The following JHY variants were observed in gnomAD, a reference collection of about 807,000 sequenced individuals.
JHY encodes jhy protein homolog.
Under a neutral mutation model 78.0 loss-of-function variants are expected in JHY, and 69 were observed. That is an observed-to-expected ratio of 0.88 (90% confidence interval 0.73 to 1.08). The LOEUF (loss-of-function observed/expected upper bound fraction) is 1.08, where lower values mean the gene tolerates loss of function less well. JHY is among the 50% of genes least tolerant of loss of function. JHY has a pLI of 0.00. For missense variants in JHY, 944 were observed against 927.8 expected, an observed-to-expected ratio of 1.02 and a Z score of -0.23; for synonymous variants, 368 against 342.6, an observed-to-expected ratio of 1.07 and a Z score of -0.82.
At chr11:122,921,922 T>C (rs1470399662) in intron 3 of JHY, among the ~76,000 whole-genome samples, 1 of 151,984 alleles carries the variant, frequency 6.6e-6, no homozygotes, top group Non-Finnish European at 1.5e-5. Context: ...AGGCGGAGGT[T>C]GTAAGCCAAG....
chr11:122,901,081 A>G (rs1323662478), intron 2 of JHY, among the ~76,000 whole-genome samples: 1 of 152,202 alleles, frequency 6.6e-6, no homozygotes, highest in Non-Finnish European at 1.5e-5. Flanking sequence ...GTGCACTTAC[A>G]CAAACCTAGA....
intron 4 of JHY, among the ~76,000 whole-genome samples, chr11:122,929,597 G>A (rs1024472467): frequency 1.1e-4 from 17 of 152,224 alleles, no homozygotes; most frequent in African/African-American, 3.6e-4. Flanking sequence ...GAGATTGTTC[G>A]CAATCTAAGC....
intron 2 of JHY, among the ~76,000 whole-genome samples, chr11:122,890,100 A>C (rs899878172): frequency 3.3e-5 from 5 of 151,704 alleles, no homozygotes; most frequent in Non-Finnish European, 7.4e-5. Flanking sequence ...TTATATATAT[A>C]TATAAATGAA....
chr11:122,938,986 C>CTTTTTTTTT (rs61703024), intron 5 of JHY, among the ~76,000 whole-genome samples: 1 of 133,880 alleles, frequency 7.5e-6, no homozygotes, highest in Non-Finnish European at 1.6e-5. Flanking sequence ...CCTGCTTCTT[C>CTTTTTTTTT]TTTTTTTTTT....
At chr11:122,941,101 A>G (rs569268642) in intron 5 of JHY, among the ~76,000 whole-genome samples, 1 of 152,294 alleles carries the variant, frequency 6.6e-6, no homozygotes, top group Admixed American at 6.5e-5. Flanking sequence ...CCCTGAACTC[A>G]TGTGGAAGCA....
At chr11:122,890,659 G>A (rs950394432) in intron 2 of JHY, among the ~76,000 whole-genome samples, 1 of 152,030 alleles carries the variant, frequency 6.6e-6, no homozygotes, top group South Asian at 2.1e-4. Flanking sequence ...TCTTACCAAA[G>A]GACAGTTTAA....
intron 5 of JHY, among the ~76,000 whole-genome samples, chr11:122,936,825 C>T (rs1257114482): frequency 6.6e-6 from 1 of 152,162 alleles, no homozygotes; most frequent in Non-Finnish European, 1.5e-5. Flanking sequence ...TCCTATCTGC[C>T]ACTGGCCTTG....
chr11:122,959,238 A>T lies in JHY; in HGVS notation c.2140-10A>T, dbSNP rs1440768240. On this transcript the variant is annotated splice_polypyrimidine_tract_variant and intron_variant, in intron 8 of 8. Coordinates refer to ENST00000227349, the MANE Select transcript of JHY (RefSeq NM_024806.4). Reference sequence around the variant, plus strand: ...CCATTTCAAATAAAATTTCATCTTTATGCGTTTAGGCTTTGGAATACGCTA... The same window carrying T: ...CCATTTCAAATAAAATTTCATCTTTTTGCGTTTAGGCTTTGGAATACGCTA... 1.2e-6 allele frequency: 2 copies of T among 1,601,458 alleles called. No homozygotes were observed. The highest frequency in any genetic ancestry group is 1.7e-6 in the Non-Finnish European group (2 of 1,175,914).
chr11:122,892,746 A>G (rs2135287351), intron 2 of JHY, among the ~76,000 whole-genome samples: 1 of 152,328 alleles, frequency 6.6e-6, no homozygotes, highest in South Asian at 2.1e-4. Flanking sequence ...TTGAAGAGTG[A>G]CATTGGATAA....
Position 122,935,758 on chromosome 11 carries a change from CA to C in JHY, c.1634+690del, listed in dbSNP as rs1171990700. Among the ~76,000 whole-genome samples, 16 of 151,814 alleles carry C rather than the reference CA, an allele frequency of 1.1e-4. No homozygotes were observed. In the South Asian group the frequency reaches 1.7e-3, roughly 16 times the overall value. On this transcript the variant is annotated intron_variant, in intron 5 of 8. Coordinates refer to ENST00000227349, the MANE Select transcript of JHY (RefSeq NM_024806.4). This position sits in a 1 kb window ranked among gnomAD's most constrained non-coding sequence, Gnocchi z 4.5. ...TAAAATACAGAAAAATATGCACATA[CA>C]AAAAAATCATCATTTATAGAGGTGA...
Position 122,904,341 on chromosome 11 carries a change from A to G in JHY, c.761A>G (p.His254Arg), listed in dbSNP as rs370921867. ...RGPRRRKSKQ[H>R]FVEKNKLTLG... ...CCTCGGCGAAGGAAATCCAAACAAC[A>G]TTTTGTGGAAAAAAACAAGCTCACT... Residue 254 changes from histidine (H) to arginine (R), a missense_variant, in exon 3 of 9, where the codon CAT becomes CGT. Transcript: ENST00000227349. 6 of 1,614,056 alleles carry G rather than the reference A, an allele frequency of 3.7e-6. No homozygotes were observed. The highest frequency in any genetic ancestry group is 1.3e-5 in the African/African-American group (1 of 74,996).
Position 122,905,458 on chromosome 11 carries a change from A to AT in JHY, c.864+1023dup, listed in dbSNP as rs544357284. The AT allele has an allele frequency of 7.1e-4, 919 of 1,288,908 alleles. 5 individuals are homozygous for AT. The African/African-American group carries it at 7.6e-3, about 11-fold the overall frequency. 79.8% of individuals were successfully genotyped at this position (1,288,908 alleles called of 1,614,324 possible). Reference sequence around the variant, plus strand: ...AGACCTATTCCAAATCCCAACTGGTATTTTTTTTTAACATATTCTAACCTG... The same window carrying AT: ...AGACCTATTCCAAATCCCAACTGGTATTTTTTTTTTAACATATTCTAACCTG... On this transcript the variant is annotated intron_variant, in intron 3 of 8. Transcript: ENST00000227349.
Position 122,904,263 on chromosome 11 carries a change from A to T in JHY, c.683A>T (p.Tyr228Phe), listed in dbSNP as rs781083787. 6.2e-7 allele frequency: 1 copy of T among 1,614,158 alleles called. No homozygotes were observed. Among genetic ancestry groups the T allele is most frequent in the Non-Finnish European group, 8.5e-7 (1 of 1,180,008 alleles). Residue 228 changes from tyrosine to phenylalanine, a missense_variant, in exon 3 of 9, where the codon TAC becomes TTC. Coordinates refer to ENST00000227349, the MANE Select transcript of JHY (RefSeq NM_024806.4). ...LEEKSSSLSP[Y>F]VKSSSSHNEV... The stretch of plus-strand genomic sequence containing the variant: ...GAGAAGTCGAGCAGCCTTTCTCCGT[A>T]CGTGAAGAGCTCAAGTTCACATAAC...
intron 3 of JHY, among the ~76,000 whole-genome samples, chr11:122,924,271 A>T (rs1256508112): frequency 1.3e-5 from 2 of 152,138 alleles, no homozygotes; most frequent in Non-Finnish European, 2.9e-5. Flanking sequence ...ATTTCTAATA[A>T]GTGAGTTAGC....
chr11:122,919,063 G>A (rs1425788190), intron 3 of JHY, among the ~76,000 whole-genome samples: 2 of 152,090 alleles, frequency 1.3e-5, no homozygotes, highest in African/African-American at 4.8e-5. Context: ...GTCAGAATAA[G>A]TGAAGTGGGC....
Position 122,961,017 on chromosome 11 carries a change from G to A in JHY, c.*1572G>A. 1 of 1,021,064 alleles carries A rather than the reference G, an allele frequency of 9.8e-7. No homozygotes were observed. 63.3% of individuals were successfully genotyped at this position (1,021,064 alleles called of 1,614,324 possible). On this transcript the variant is annotated 3_prime_UTR_variant, in exon 9 of 9. Transcript: ENST00000227349. The stretch of plus-strand genomic sequence containing the variant: ...GAGCATCTCTGCACAACAGGAAAAG[G>A]AGACAATTGCCAAGTGCATTTGGGA...
In JHY at chr11:122,959,379, AC is replaced by A. The variant is rs772279007; in HGVS notation, c.2272del (p.Leu758CysfsTer36). ...SLPEISLLEILQNRHEREKQA... is the reference protein window; with the variant it reads ...SLPEISLLEIXQNRHEREKQA... ...TACCTGAAATCTCACTGCTGGAAAT[AC>A]TGCAGAACAGACACGAAAGGGAAAA... is the stretch of plus-strand genomic sequence containing the variant. On this transcript the variant is annotated frameshift_variant, in exon 9 of 9. Transcript: ENST00000227349. LOFTEE classifies it high-confidence loss of function. 2.5e-6 allele frequency: 4 copies of A among 1,614,188 alleles called. No homozygotes were observed. Among genetic ancestry groups the A allele is most frequent in the Non-Finnish European group, 3.4e-6 (4 of 1,180,024 alleles).
At position 122,935,108 on chromosome 11, in the gene JHY, G is replaced by A; in HGVS notation, c.1634+33G>A. ...TTCCCTTTTCTCAAGTGGTTTTCTA[G>A]AGGAGAAAGGAGAGACTGCTGCAGA... On this transcript the variant is annotated intron_variant, in intron 5 of 8. Coordinates refer to ENST00000227349, the MANE Select transcript of JHY (RefSeq NM_024806.4). This position sits in a 1 kb window ranked among gnomAD's most constrained non-coding sequence, Gnocchi z 4.5. The A allele has an allele frequency of 6.7e-7, 1 of 1,502,064 alleles. No homozygotes were observed. Among genetic ancestry groups the A allele is most frequent in the Non-Finnish European group, 8.9e-7 (1 of 1,120,058 alleles). The allele number at this position is 1,502,064 out of a possible 1,614,324, so 93.0% of individuals were successfully genotyped here.
rs1864306647 is a variant in JHY at position 122,961,188 on chromosome 11, GATAGTTTATATCT to G, written c.*1744_*1756del. ...TTCTGTATTGCCCTCTACTGAAGTAGATAGTTTATATCTCCTAAAAATGAAACATTTGTTCCCT... is the reference window on the plus strand; with the variant it reads ...TTCTGTATTGCCCTCTACTGAAGTAGCCTAAAAATGAAACATTTGTTCCCT... On this transcript the variant is annotated 3_prime_UTR_variant, in exon 9 of 9. Coordinates refer to ENST00000227349, the MANE Select transcript of JHY (RefSeq NM_024806.4). The G allele has an allele frequency of 2.0e-6, 1 of 511,530 alleles. No homozygotes were observed. Among genetic ancestry groups the G allele is most frequent in the East Asian group, 3.5e-5 (1 of 28,260 alleles). The allele number at this position is 511,530 out of a possible 1,614,324, so 31.7% of individuals were successfully genotyped here.
Sources: gnomAD v4.1 joint callset for allele counts (sites outside exome capture counted in the v4.1 genomes callset) on GRCh38, gnomAD v4.1.1 for gene constraint, Gnocchi (gnomAD v3.1) non-coding constraint, MANE v1.5 for transcripts, NCBI Gene and HGNC (gene_info 2026-07-23, HGNC 2026-07-21) for gene names.